Variants in SPOCK3 observed in about 807,000 individuals in gnomAD.
The protein encoded by SPOCK3 is testican-3.
A neutral mutation model predicts 56.6 loss-of-function variants in SPOCK3; 30 were observed. That is an observed-to-expected ratio of 0.53 (90% CI 0.40 to 0.72). The LOEUF (loss-of-function observed/expected upper bound fraction) is 0.72, where lower values mean the gene tolerates loss of function less well. SPOCK3 is among the 30% of genes least tolerant of loss of function. The pLI, the probability that SPOCK3 is intolerant of heterozygous loss-of-function variation, is 0.00. For synonymous variants in SPOCK3, 196 were observed against 183.3 expected (o/e 1.07, Z -0.56); for missense variants, 527 against 530.0 (o/e 0.99, Z 0.06).
chr4:167,090,359 T>C (rs979497127), intron 2 of SPOCK3, among the ~76,000 whole-genome samples: 3 of 152,148 alleles, frequency 2.0e-5, no homozygotes, highest in African/African-American at 7.2e-5. Flanking sequence ...TCATTTTGGT[T>C]TTAATTTGCA....
At chr4:166,904,377 T>C (rs1736390255) in intron 5 of SPOCK3, among the ~76,000 whole-genome samples, 1 of 152,092 alleles carries the variant, frequency 6.6e-6, no homozygotes, top group African/African-American at 2.4e-5. Context: ...TATGCAATCA[T>C]GATATGTTAA....
At chr4:167,088,528 G>A (rs1476748523) in intron 2 of SPOCK3, among the ~76,000 whole-genome samples, 2 of 142,790 alleles carry the variant, frequency 1.4e-5, no homozygotes, top group Non-Finnish European at 3.0e-5. Context: ...GCTGTGGCAT[G>A]ATCTTGGTTC....
chr4:166,935,511 A>G (rs1740308006), intron 4 of SPOCK3, among the ~76,000 whole-genome samples: 1 of 152,174 alleles, frequency 6.6e-6, no homozygotes. Context: ...AGTGTTCATG[A>G]AACAATAACA....
intron 4 of SPOCK3, among the ~76,000 whole-genome samples, chr4:166,928,625 T>G (rs9654308): frequency 0.21 from 32,364 of 152,104 alleles, 3,722 homozygotes; most frequent in South Asian, 0.26. Context: ...TCATTTTAAA[T>G]TTGTCCAAAC....
chr4:166,956,226 C>A (rs1743452735), intron 4 of SPOCK3, among the ~76,000 whole-genome samples: 1 of 152,042 alleles, frequency 6.6e-6, no homozygotes, highest in Middle Eastern at 3.4e-3. Flanking sequence ...CACATACACA[C>A]ACACACACAC....
chr4:166,962,141 T>G (rs1047806337), intron 4 of SPOCK3, among the ~76,000 whole-genome samples: 1 of 152,164 alleles, frequency 6.6e-6, no homozygotes, highest in African/African-American at 2.4e-5. Flanking sequence ...ATGATTACTA[T>G]GAGCCTACTC....
intron 2 of SPOCK3, among the ~76,000 whole-genome samples, chr4:167,074,656 C>T (rs1046235681): frequency 1.3e-5 from 2 of 152,018 alleles, no homozygotes; most frequent in African/African-American, 4.8e-5. Context: ...AAGTGAGTCA[C>T]TAGCCCAAAT....
intron 4 of SPOCK3, among the ~76,000 whole-genome samples, chr4:166,915,475 CACTT>C (rs1455748847): frequency 5.3e-5 from 8 of 152,070 alleles, no homozygotes; most frequent in Non-Finnish European, 5.9e-5. Flanking sequence ...AAAAACTTAA[CACTT>C]AATACCTGTG....
intron 4 of SPOCK3, among the ~76,000 whole-genome samples, chr4:166,931,785 G>A (rs1163614021): frequency 6.6e-6 from 1 of 152,136 alleles, no homozygotes; most frequent in Non-Finnish European, 1.5e-5. Flanking sequence ...ATAGTTAAAT[G>A]TTTTACATTT....
chr4:167,107,542 T>C (rs191068094), intron 2 of SPOCK3, among the ~76,000 whole-genome samples: 1 of 152,006 alleles, frequency 6.6e-6, no homozygotes, highest in Admixed American at 6.6e-5. Context: ...GCTAGTATCA[T>C]ATTGAATAAA....
chr4:167,051,625 A>T (rs567263377), intron 3 of SPOCK3, among the ~76,000 whole-genome samples: 1 of 152,180 alleles, frequency 6.6e-6, no homozygotes, highest in Non-Finnish European at 1.5e-5. Flanking sequence ...CTGAACAGGG[A>T]AAGTTTAGAG....
chr4:166,856,563 C>CACG (rs1730693289), intron 6 of SPOCK3, among the ~76,000 whole-genome samples: 1 of 152,070 alleles, frequency 6.6e-6, no homozygotes, highest in Non-Finnish European at 1.5e-5. Context: ...ATCACGAGGT[C>CACG]AGGAGATCAA....
Position 166,734,638 on chromosome 4 carries a change from G to T in SPOCK3, c.*283C>A. The stretch of plus-strand genomic sequence containing the variant: ...TGCTTATGGAAGATTTACAAAGTTT[G>T]TTCTCGTGAAAAACTTATTATAGTA... On this transcript the variant is annotated 3_prime_UTR_variant, in exon 11 of 11. Transcript: ENST00000357545. 1 of 256,582 alleles carries T rather than the reference G, an allele frequency of 3.9e-6. No homozygotes were observed. The highest frequency in any genetic ancestry group is 7.3e-6 in the Non-Finnish European group (1 of 137,302). The allele number at this position is 256,582 out of a possible 1,614,324, so 15.9% of individuals were successfully genotyped here.
intron 4 of SPOCK3, among the ~76,000 whole-genome samples, chr4:166,955,396 A>G (rs1455593521): frequency 1.3e-5 from 2 of 149,786 alleles, no homozygotes; most frequent in African/African-American, 4.9e-5. Flanking sequence ...ATTTCAGCAC[A>G]TGTCAGTAGC....
chr4:166,764,896 A>T (rs566785069), intron 7 of SPOCK3, among the ~76,000 whole-genome samples: 1 of 151,608 alleles, frequency 6.6e-6, no homozygotes, highest in South Asian at 2.1e-4. Context: ...CTGGTGTGAG[A>T]TGGTATCTCA....
chr4:166,808,940 A>G (rs1016299756), intron 6 of SPOCK3, among the ~76,000 whole-genome samples: 1 of 152,070 alleles, frequency 6.6e-6, no homozygotes, highest in Admixed American at 6.6e-5. Context: ...CAGTACTACG[A>G]AGACTGATTT....
At chr4:167,053,567 C>T (rs908890936) in intron 3 of SPOCK3, among the ~76,000 whole-genome samples, 3 of 151,964 alleles carry the variant, frequency 2.0e-5, no homozygotes, top group African/African-American at 7.3e-5. Context: ...TACCTGTAAT[C>T]CCAGCTACTC....
In SPOCK3 at chr4:167,021,321, T is replaced by A. The variant is rs112188379; in HGVS notation, c.236-20858A>T. 1.1e-3 allele frequency among the ~76,000 whole-genome samples: 164 copies of A among 152,194 alleles called. No individual in the cohort carries two copies. The East Asian group carries it at 0.014, about 13-fold the overall frequency. ...TTATACACTTCAGAAATTTGGATGA[T>A]TTTCTTTATTGTTGTCATTTCTTGC... On this transcript the variant is annotated intron_variant, in intron 3 of 10. Coordinates refer to ENST00000357545, the MANE Select transcript of SPOCK3 (RefSeq NM_001040159.2).
intron 2 of SPOCK3, among the ~76,000 whole-genome samples, chr4:167,214,895 T>C (rs1461821863): frequency 1.3e-5 from 2 of 151,992 alleles, no homozygotes; most frequent in African/African-American, 2.4e-5. Context: ...GACATTTTCA[T>C]AGATCAGGAG....
Sources: gnomAD v4.1 joint callset for allele counts (sites outside exome capture counted in the v4.1 genomes callset) on GRCh38, gnomAD v4.1.1 for gene constraint, MANE v1.5 for transcripts, NCBI Gene and HGNC (gene_info 2026-07-23, HGNC 2026-07-21) for gene names.